Variants in SELENOF observed in about 807,000 individuals in gnomAD.
SELENOF encodes the protein 15 kDa selenoprotein.
A neutral mutation model predicts 20.5 loss-of-function variants in SELENOF; 16 were observed. The observed-to-expected ratio is 0.78, with a 90% CI of 0.53 to 1.19. The LOEUF (loss-of-function observed/expected upper bound fraction) is 1.19, where lower values mean the gene tolerates loss of function less well. Among genes scored for constraint, SELENOF ranks in the 50% most tolerant of loss-of-function variants. The pLI, the probability that SELENOF is intolerant of heterozygous loss-of-function variation, is 0.00. For missense variants in SELENOF, 215 were observed against 194.2 expected (o/e 1.11, Z -0.64); for synonymous variants, 78 against 74.5 (o/e 1.05, Z -0.24).
intron 2 of SELENOF, among the ~76,000 whole-genome samples, chr1:86,897,506 A>G (rs1450132121): frequency 6.6e-6 from 1 of 152,178 alleles, no homozygotes; most frequent in Non-Finnish European, 1.5e-5. Flanking sequence ...TAAATCATCT[A>G]AAGTAGAAGT....
At chr1:86,913,390 A>T (rs1660040021) in intron 1 of SELENOF, among the ~76,000 whole-genome samples, 1 of 137,386 alleles carries the variant, frequency 7.3e-6, no homozygotes, top group South Asian at 2.1e-4. Context: ...AAAATGAAAT[A>T]AAAAACGCTG....
chr1:86,907,433 A>C (rs1281613300), intron 1 of SELENOF, among the ~76,000 whole-genome samples: 1 of 152,224 alleles, frequency 6.6e-6, no homozygotes, highest in Non-Finnish European at 1.5e-5. Context: ...TGCAGACTTA[A>C]GGCTTTGAAT....
At chr1:86,910,698 A>G (rs1659957330) in intron 1 of SELENOF, among the ~76,000 whole-genome samples, 3 of 132,558 alleles carry the variant, frequency 2.3e-5, no homozygotes, top group Admixed American at 7.2e-5. Flanking sequence ...GCAAGACTCC[A>G]TATCAAAAAA....
intron 3 of SELENOF, among the ~76,000 whole-genome samples, chr1:86,868,566 G>C (rs2102070350): frequency 6.6e-6 from 1 of 152,214 alleles, no homozygotes; most frequent in South Asian, 2.1e-4. Flanking sequence ...GAGGGAGAGG[G>C]GAAGGGGAGA....
At chr1:86,913,415 A>G (rs999828950) in intron 1 of SELENOF, among the ~76,000 whole-genome samples, 1 of 152,262 alleles carries the variant, frequency 6.6e-6, no homozygotes, top group African/African-American at 2.4e-5. Flanking sequence ...AAAGAAGACA[A>G]CGAACATCAT....
At chr1:86,903,168 A>C in intron 2 of SELENOF, 113 bp downstream of exon 2, 1 of 920,438 alleles carries the variant, frequency 1.1e-6, no homozygotes, top group Non-Finnish European at 1.6e-6. Flanking sequence ...GAGTTTTACT[A>C]AAAAATGTAA....
intron 1 of SELENOF, among the ~76,000 whole-genome samples, chr1:86,905,058 T>C (rs540044810): frequency 1.3e-5 from 2 of 152,246 alleles, no homozygotes; most frequent in South Asian, 2.1e-4. Context: ...CTGAAACTTA[T>C]ATTTTTCTTA....
chr1:86,869,266 A>G (rs1260688221), intron 3 of SELENOF, among the ~76,000 whole-genome samples: 2 of 152,222 alleles, frequency 1.3e-5, no homozygotes, highest in Non-Finnish European at 2.9e-5. Context: ...AATAACTTAT[A>G]AAAAGTCTCG....
rs1038121851 is a variant in SELENOF, at chr1:86,909,829, C to A, written c.84+4199G>T. 1.3e-5 allele frequency among the ~76,000 whole-genome samples: 2 copies of A among 152,076 alleles called. 1 individual carries two copies. Among genetic ancestry groups the A allele is most frequent in the Non-Finnish European group, 2.9e-5 (2 of 68,016 alleles). ...GACCAGCCTGGCCAACATGGTGAAA[C>A]CCCGTCTCCACTAAAGATACAAAAA... On this transcript the variant is annotated intron_variant, in intron 1 of 4. Coordinates refer to ENST00000331835, the MANE Select transcript of SELENOF (RefSeq NM_004261.5).
intron 1 of SELENOF, 80 bp downstream of exon 1, chr1:86,913,948 C>T: frequency 3.0e-6 from 4 of 1,348,958 alleles, no homozygotes; most frequent in Admixed American, 1.7e-5. Context: ...CCTTTTCAAC[C>T]AGGACCGAAT....
intron 1 of SELENOF, among the ~76,000 whole-genome samples, chr1:86,906,091 T>C (rs1324918231): frequency 1.3e-5 from 2 of 152,254 alleles, no homozygotes; most frequent in East Asian, 3.8e-4. Context: ...TGATATTTTA[T>C]ACATCTTTAA....
At position 86,904,182 on chromosome 1, in the gene SELENOF, C is replaced by T. The variant is rs143897991; in HGVS notation, c.85-734G>A. Reference sequence around the variant, plus strand: ...AGGGTTTATCTACAGTCACATCCAGCAGAAGAAGGACGGGAAAGGGGATGG... The same window carrying T: ...AGGGTTTATCTACAGTCACATCCAGTAGAAGAAGGACGGGAAAGGGGATGG... On this transcript the variant is annotated intron_variant, in intron 1 of 4. Transcript: ENST00000331835. Among the ~76,000 whole-genome samples, 599 of 152,176 alleles carry T rather than the reference C, an allele frequency of 3.9e-3. 5 individuals carry two copies. The highest frequency in any genetic ancestry group is 0.014 in the African/African-American group (575 of 41,512).
At chr1:86,903,778 A>G (rs1659764507) in intron 1 of SELENOF, among the ~76,000 whole-genome samples, 1 of 152,126 alleles carries the variant, frequency 6.6e-6, no homozygotes, top group Non-Finnish European at 1.5e-5. Flanking sequence ...TATTTTTAAT[A>G]GAGACGGGGG....
intron 3 of SELENOF, among the ~76,000 whole-genome samples, chr1:86,868,814 C>T (rs920669180): frequency 6.6e-6 from 1 of 151,996 alleles, no homozygotes; most frequent in Non-Finnish European, 1.5e-5. Context: ...TTTATAGATA[C>T]GCCTATGTAA....
At chr1:86,911,849 T>TCTCGGCTCAGTGCAAC (rs979924979) in intron 1 of SELENOF, among the ~76,000 whole-genome samples, 1 of 151,130 alleles carries the variant, frequency 6.6e-6, no homozygotes, top group African/African-American at 2.4e-5. Context: ...AATGGTGCAA[T>TCTCGGCTCAGTGCAAC]CTCGGCTCAG....
chr1:86,863,812 T>C (rs1210275234), intron 4 of SELENOF, among the ~76,000 whole-genome samples: 4 of 85,910 alleles, frequency 4.7e-5, no homozygotes, highest in East Asian at 4.1e-4. Flanking sequence ...AAATCACTCA[T>C]TCATTCATTC....
intron 2 of SELENOF, among the ~76,000 whole-genome samples, chr1:86,887,630 T>C (rs1659254929): frequency 6.6e-6 from 1 of 152,176 alleles, no homozygotes; most frequent in Non-Finnish European, 1.5e-5. Context: ...CCATTCTAAC[T>C]ATGAAACCTG....
intron 2 of SELENOF, among the ~76,000 whole-genome samples, chr1:86,900,323 C>T (rs1365235904): frequency 7.2e-5 from 11 of 152,290 alleles, no homozygotes; most frequent in South Asian, 2.1e-4. Flanking sequence ...AACCAGACAC[C>T]GTCTGCAATC....
chr1:86,886,373 T>A (rs761200253), intron 2 of SELENOF, among the ~76,000 whole-genome samples: 25 of 151,604 alleles, frequency 1.6e-4, no homozygotes, highest in Non-Finnish European at 2.8e-4. Context: ...ACAGATTAAC[T>A]GCATTAATCT....
Sources: allele counts gnomAD v4.1 joint callset (sites outside exome capture counted in the v4.1 genomes callset), GRCh38; gene constraint gnomAD v4.1.1; transcripts MANE v1.5; gene names NCBI Gene and HGNC (gene_info 2026-07-23, HGNC 2026-07-21).